CAMTA1: variants seen among roughly 807,000 people sequenced by gnomAD.
CAMTA1 encodes calmodulin-binding transcription activator 1.
Under a neutral mutation model 170.9 loss-of-function variants are expected in CAMTA1, and 27 were observed. The observed-to-expected ratio is 0.16, with a 90% CI of 0.12 to 0.22. The LOEUF (loss-of-function observed/expected upper bound fraction) is 0.22, where lower values mean the gene tolerates loss of function less well. Ranked by LOEUF, CAMTA1 falls within the 10% of genes least tolerant of loss-of-function variation. The pLI is 1.00. For synonymous variants in CAMTA1, 833 were observed against 891.5 expected (o/e 0.93, Z 1.17); for missense variants, 1,619 against 2,217.2 (o/e 0.73, Z 5.42).
chr1:7,422,159 C>T (rs544625955), intron 5 of CAMTA1, among the ~76,000 whole-genome samples: 1 of 152,250 alleles, frequency 6.6e-6, no homozygotes, highest in South Asian at 2.1e-4. Flanking sequence ...TGGGCCCTCC[C>T]CTGTGCAGGG....
At chr1:7,105,093 A>G (rs1643441776) in intron 4 of CAMTA1, among the ~76,000 whole-genome samples, 1 of 152,180 alleles carries the variant, frequency 6.6e-6, no homozygotes, top group African/African-American at 2.4e-5. Flanking sequence ...AGGGTCTGCA[A>G]GGATATGTAT....
At position 7,358,183 on chromosome 1, in the gene CAMTA1, G is replaced by A. The variant is rs184007280; in HGVS notation, c.438+108557G>A. ...TCACTGGTCACTGGGGCTACAAAAA[G>A]CCCCACGTCCTCCCTTTTTTCCTCT... On this transcript the variant is annotated intron_variant, in intron 5 of 22. Coordinates refer to ENST00000303635, the MANE Select transcript of CAMTA1 (RefSeq NM_015215.4). Among the ~76,000 whole-genome samples the A allele has an allele frequency of 2.0e-5, 3 of 152,312 alleles. No individual in the cohort carries two copies. The East Asian group carries it at 5.8e-4, about 29-fold the overall frequency.
chr1:7,367,003 C>T (rs1014946770), intron 5 of CAMTA1, among the ~76,000 whole-genome samples: 7 of 152,150 alleles, frequency 4.6e-5, no homozygotes, highest in Admixed American at 2.6e-4. Flanking sequence ...CTCCTGCTGC[C>T]TCCCTCTCTG....
chr1:7,245,940 C>T (rs1665700699), intron 4 of CAMTA1, among the ~76,000 whole-genome samples: 1 of 152,194 alleles, frequency 6.6e-6, no homozygotes, highest in East Asian at 1.9e-4. Context: ...AGCTAACAAG[C>T]AGAGGGGAGT....
intron 3 of CAMTA1, among the ~76,000 whole-genome samples, chr1:7,089,837 C>T (rs1254394362): frequency 6.6e-6 from 1 of 152,096 alleles, no homozygotes; most frequent in Non-Finnish European, 1.5e-5. Flanking sequence ...TAGGGAGGGC[C>T]AGCCAGAGGA....
At chr1:7,606,833 G>C (rs1479357130) in intron 6 of CAMTA1, among the ~76,000 whole-genome samples, 1 of 152,176 alleles carries the variant, frequency 6.6e-6, no homozygotes, top group African/African-American at 2.4e-5. Context: ...GGGGTTTGGA[G>C]CCCCTGGGAT....
At chr1:6,841,885 T>C (rs1235792102) in intron 3 of CAMTA1, among the ~76,000 whole-genome samples, 2 of 152,210 alleles carry the variant, frequency 1.3e-5, no homozygotes, top group Non-Finnish European at 2.9e-5. Context: ...GACAGGATCC[T>C]TGTCAGCAGC....
chr1:7,087,137 G>A lies in CAMTA1; in HGVS notation c.235-4167G>A, dbSNP rs143399926. On this transcript the variant is annotated intron_variant, in intron 3 of 22. Transcript: ENST00000303635. The stretch of plus-strand genomic sequence containing the variant: ...GACCAGACCTGTGTTTTCATCTGCC[G>A]CCTTTAGGGTCCTAGGTTTGTGGAC... Among the ~76,000 whole-genome samples the A allele has an allele frequency of 4.1e-3, 630 of 152,256 alleles. 2 individuals are homozygous for A. Among genetic ancestry groups the A allele is most frequent in the African/African-American group, 0.014 (586 of 41,530 alleles).
At chr1:6,921,846 C>T (rs1190165263) in intron 3 of CAMTA1, among the ~76,000 whole-genome samples, 2 of 152,192 alleles carry the variant, frequency 1.3e-5, no homozygotes, top group African/African-American at 4.8e-5. Context: ...AGTCTTCTCC[C>T]ACTGGGTCCC....
chr1:7,118,890 A>G (rs1644489507), intron 4 of CAMTA1, among the ~76,000 whole-genome samples: 1 of 152,224 alleles, frequency 6.6e-6, no homozygotes, highest in Non-Finnish European at 1.5e-5. Flanking sequence ...TTTGTATAAC[A>G]AGCTGTGTTT....
chr1:6,939,576 C>G (rs1331507286), intron 3 of CAMTA1, among the ~76,000 whole-genome samples: 1 of 152,238 alleles, frequency 6.6e-6, no homozygotes, highest in Non-Finnish European at 1.5e-5. Flanking sequence ...CTCCCGTCCT[C>G]TCTGTCTCCA....
intron 2 of CAMTA1, among the ~76,000 whole-genome samples, chr1:6,824,599 A>G (rs1190337480): frequency 6.6e-6 from 1 of 152,154 alleles, no homozygotes; most frequent in Non-Finnish European, 1.5e-5. Flanking sequence ...TATTTATAAG[A>G]TTTGTGATTT....
chr1:7,112,858 C>T (rs1205879835), intron 4 of CAMTA1, among the ~76,000 whole-genome samples: 1 of 152,234 alleles, frequency 6.6e-6, no homozygotes. Flanking sequence ...TTGTTTCTTC[C>T]ACTTTCCAGA....
At chr1:6,797,022 A>C (rs1330734238) in intron 1 of CAMTA1, among the ~76,000 whole-genome samples, 5 of 152,260 alleles carry the variant, frequency 3.3e-5, no homozygotes, top group Non-Finnish European at 7.3e-5. Flanking sequence ...CATGATTAGA[A>C]TTGATGATTC....
intron 11 of CAMTA1, chr1:7,694,715 C>T (rs2096356225): frequency 1.3e-5 from 2 of 152,574 alleles, no homozygotes; most frequent in Non-Finnish European, 2.9e-5. Flanking sequence ...CTGTCTCCCT[C>T]TCCTGTGCTG....
intron 9 of CAMTA1, among the ~76,000 whole-genome samples, chr1:7,669,743 T>A (rs1558095522): frequency 6.6e-6 from 1 of 152,170 alleles, no homozygotes; most frequent in East Asian, 1.9e-4. Context: ...GCCTCTGGGG[T>A]GGGTCCACCC....
At chr1:7,112,860 C>T (rs989046690) in intron 4 of CAMTA1, among the ~76,000 whole-genome samples, 1 of 152,260 alleles carries the variant, frequency 6.6e-6, no homozygotes. Context: ...GTTTCTTCCA[C>T]TTTCCAGATC....
chr1:7,336,883 C>A (rs1007028285), intron 5 of CAMTA1, among the ~76,000 whole-genome samples: 7 of 152,216 alleles, frequency 4.6e-5, no homozygotes, highest in African/African-American at 1.7e-4. Flanking sequence ...CTTTGGAGTC[C>A]CCACATGTGT....
At chr1:7,214,350 C>T (rs969190465) in intron 4 of CAMTA1, among the ~76,000 whole-genome samples, 1 of 152,084 alleles carries the variant, frequency 6.6e-6, no homozygotes, top group Non-Finnish European at 1.5e-5. Context: ...TGCATTTCCA[C>T]AGAACAAAGA....
Sources: gnomAD v4.1 joint callset for allele counts (sites outside exome capture counted in the v4.1 genomes callset) on GRCh38, gnomAD v4.1.1 for gene constraint, MANE v1.5 for transcripts, NCBI Gene and HGNC (gene_info 2026-07-23, HGNC 2026-07-21) for gene names.